The following PPP3CB variants were observed in gnomAD, a reference collection of about 807,000 sequenced individuals.
PPP3CB encodes protein phosphatase 3 catalytic subunit beta.
Under a neutral mutation model 66.4 loss-of-function variants are expected in PPP3CB, and 8 were observed. That is an observed-to-expected ratio of 0.12 (90% confidence interval 0.07 to 0.22). The LOEUF is 0.22. Among genes scored for constraint, PPP3CB ranks in the 10% least tolerant of loss-of-function variants. PPP3CB has a pLI of 1.00. For synonymous variants in PPP3CB, 208 were observed against 221.2 expected, an observed-to-expected ratio of 0.94 and a Z score of 0.53; for missense variants, 319 against 642.5, an observed-to-expected ratio of 0.50 and a Z score of 5.44.
chr10:73,448,974 A>G (rs2056304230), intron 10 of PPP3CB, among the ~76,000 whole-genome samples: 1 of 152,240 alleles, frequency 6.6e-6, no homozygotes. Flanking sequence ...ATGGAAGCAG[A>G]CATAATTAGG....
intron 3 of PPP3CB, chr10:73,477,335 T>A (rs2056807265): frequency 6.4e-6 from 3 of 468,022 alleles, no homozygotes; most frequent in Admixed American, 2.7e-5. Flanking sequence ...ATGAATAATA[T>A]GACTCATTAA....
rs1033123447 is a variant in PPP3CB at position 73,436,500 on chromosome 10, T to C, written c.*1742A>G. On this transcript the variant is annotated 3_prime_UTR_variant, in exon 14 of 14. Transcript: ENST00000360663. ...TCCCAATACCACTATAACAAAATTC[T>C]AGACAATAACATATTTTCTTTCAAT... 2 of 150,806 alleles carry C rather than the reference T, an allele frequency of 1.3e-5. No individual in the cohort carries two copies. Among genetic ancestry groups the C allele is most frequent in the African/African-American group, 2.5e-5 (1 of 40,088 alleles). The allele number at this position is 150,806 out of a possible 1,614,324, so 9.3% of individuals were successfully genotyped here. A position where few individuals can be genotyped will look rare whatever the true frequency, so the allele number is the denominator to read the frequency against.
intron 1 of PPP3CB, among the ~76,000 whole-genome samples, chr10:73,492,982 T>C (rs2057102112): frequency 6.6e-6 from 1 of 151,972 alleles, no homozygotes; most frequent in African/African-American, 2.4e-5. Context: ...ACTAAGAAGT[T>C]CCAGGGAGGC....
At chr10:73,443,286 CAGAAAGAA>C (rs71021552) in intron 12 of PPP3CB, among the ~76,000 whole-genome samples, 4,384 of 115,646 alleles carry the variant, frequency 0.038, 156 homozygotes, top group African/African-American at 0.094. Flanking sequence ...GAAAGAAAGA[CAGAAAGAA>C]AGAAAGAAAG....
At chr10:73,495,632 G>A in intron 1 of PPP3CB, 173 bp downstream of exon 1, 1 of 976,154 alleles carries the variant, frequency 1.0e-6, no homozygotes, top group Non-Finnish European at 1.4e-6. Flanking sequence ...CGGAACCACT[G>A]CCACCGACTC....
At chr10:73,444,506 C>A in intron 12 of PPP3CB, 1 of 1,407,002 alleles carries the variant, frequency 7.1e-7, no homozygotes, top group South Asian at 1.4e-5. Context: ...AGGAACTGAC[C>A]ATTATTTTCA....
chr10:73,484,491 T>C (rs1453849250), intron 1 of PPP3CB, among the ~76,000 whole-genome samples: 11 of 151,946 alleles, frequency 7.2e-5, no homozygotes, highest in Non-Finnish European at 1.5e-4. Flanking sequence ...CAGGATGGTC[T>C]CGATCTCCTG....
At chr10:73,475,453 T>C (rs2056770849) in intron 3 of PPP3CB, among the ~76,000 whole-genome samples, 1 of 152,208 alleles carries the variant, frequency 6.6e-6, no homozygotes, top group South Asian at 2.1e-4. Flanking sequence ...CAAACAACAC[T>C]ATGAAGTATG....
In PPP3CB at chr10:73,454,397, G is replaced by A; in HGVS notation, c.1186+15C>T. On this transcript the variant is annotated intron_variant, in intron 10 of 13. Coordinates refer to ENST00000360663, the MANE Select transcript of PPP3CB (RefSeq NM_021132.4). ...TTCACAGTAAAAAAAAAAATAGTAA[G>A]ATGAATAATCATACCATCAAACTGG... 1.3e-6 allele frequency: 2 copies of A among 1,579,728 alleles called. No homozygotes were observed. Among genetic ancestry groups the A allele is most frequent in the South Asian group, 1.1e-5 (1 of 88,154 alleles).
In PPP3CB at chr10:73,438,141, G is replaced by C. The variant is rs2056094777; in HGVS notation, c.*101C>G. On this transcript the variant is annotated 3_prime_UTR_variant, in exon 14 of 14. Transcript: ENST00000360663. ...TCAGAAGCACAATGGTTTCTTCAGAGAGACTGTGAAATTTACAGTCAGCTT... is the reference window on the plus strand; with the variant it reads ...TCAGAAGCACAATGGTTTCTTCAGACAGACTGTGAAATTTACAGTCAGCTT... 5.2e-5 allele frequency: 61 copies of C among 1,184,058 alleles called. No individual in the cohort carries two copies. Among genetic ancestry groups the C allele is most frequent in the Non-Finnish European group, 7.0e-5 (59 of 842,324 alleles). 73.3% of individuals were successfully genotyped at this position (1,184,058 alleles called of 1,614,324 possible). A position where few individuals can be genotyped will look rare whatever the true frequency, so the allele number is the denominator to read the frequency against.
chr10:73,456,301 C>A (rs916810251), intron 9 of PPP3CB, among the ~76,000 whole-genome samples: 2 of 152,138 alleles, frequency 1.3e-5, no homozygotes, highest in African/African-American at 4.8e-5. Context: ...ATATCAACTG[C>A]AAAAGGTTGA....
In PPP3CB at chr10:73,438,369, T is replaced by C. The variant is rs1305175476; in HGVS notation, c.1448A>G (p.Lys483Arg). ...PHRICSFEEAKGLDRINERMP... is the reference protein window; with the variant it reads ...PHRICSFEEARGLDRINERMP... ...TCTCTCATTGATCCTATCCAAACCC[T>C]TTGCCTCTTCAAAACTGCAGATTCT... The change falls in exon 14 of 14, where the codon AAG (lysine) becomes AGG (arginine). Residue 483 changes from lysine (K) to arginine (R), a missense_variant. Coordinates refer to ENST00000360663, the MANE Select transcript of PPP3CB (RefSeq NM_021132.4). 1.9e-6 allele frequency: 3 copies of C among 1,613,608 alleles called. No individual in the cohort carries two copies. The highest frequency in any genetic ancestry group is 1.7e-6 in the Non-Finnish European group (2 of 1,179,636).
intron 3 of PPP3CB, among the ~76,000 whole-genome samples, chr10:73,475,991 G>A (rs1191851083): frequency 6.6e-6 from 1 of 152,042 alleles, no homozygotes; most frequent in African/African-American, 2.4e-5. Flanking sequence ...TGAGCAGCTG[G>A]GACTACAGGC....
At chr10:73,470,857 T>TA in intron 7 of PPP3CB, 30 bp downstream of exon 7, 1 of 1,597,084 alleles carries the variant, frequency 6.3e-7, no homozygotes, top group Non-Finnish European at 8.6e-7. Context: ...TTTTAGGTGT[T>TA]AATTTGGGTC....
intron 1 of PPP3CB, among the ~76,000 whole-genome samples, chr10:73,480,020 T>C (rs1200105174): frequency 1.3e-5 from 2 of 151,966 alleles, no homozygotes; most frequent in African/African-American, 2.4e-5. Context: ...AACACTTTAA[T>C]ACCAAATAAG....
intron 4 of PPP3CB, among the ~76,000 whole-genome samples, chr10:73,473,659 T>A (rs1249293561): frequency 1.3e-5 from 2 of 150,772 alleles, no homozygotes; most frequent in Admixed American, 1.3e-4. Flanking sequence ...AAAAAAAAAA[T>A]AAAAATAACA....
chr10:73,458,888 G>C (rs188391030), intron 9 of PPP3CB, among the ~76,000 whole-genome samples: 8 of 151,898 alleles, frequency 5.3e-5, no homozygotes, highest in Admixed American at 2.0e-4. Flanking sequence ...TGACCAACAT[G>C]GAGAAACCCC....
chr10:73,471,246 A>G, intron 5 of PPP3CB, 37 bp from the exon 6 acceptor site: 1 of 1,552,788 alleles, frequency 6.4e-7, no homozygotes, highest in Non-Finnish European at 8.8e-7. Context: ...GAAGTAACTC[A>G]TCAAAAAGTA....
intron 4 of PPP3CB, among the ~76,000 whole-genome samples, chr10:73,472,143 A>G (rs889273162): frequency 3.3e-5 from 5 of 152,244 alleles, no homozygotes; most frequent in Non-Finnish European, 7.3e-5. Flanking sequence ...TTTGCTCTCT[A>G]AAATTATTTT....
Sources: gnomAD v4.1 joint callset for allele counts (sites outside exome capture counted in the v4.1 genomes callset) on GRCh38, gnomAD v4.1.1 for gene constraint, MANE v1.5 for transcripts, NCBI Gene and HGNC (gene_info 2026-07-23, HGNC 2026-07-21) for gene names.